Variants in CCDC178 observed in about 807,000 individuals in gnomAD.
CCDC178 encodes coiled-coil domain-containing protein 178.
CCDC178 carries 126 observed loss-of-function variants against 117.4 expected under a neutral mutation model. The ratio of observed to expected loss-of-function variants is 1.07; its 90% confidence interval spans 0.93 to 1.24. The LOEUF (loss-of-function observed/expected upper bound fraction) is 1.24. Ranked by LOEUF, CCDC178 falls within the 50% of genes most tolerant of loss-of-function variation. The pLI is 0.00. For synonymous variants in CCDC178, 283 were observed against 313.4 expected, an observed-to-expected ratio of 0.90 and a Z score of 1.02; for missense variants, 1,030 against 986.9, an observed-to-expected ratio of 1.04 and a Z score of -0.59.
intron 20 of CCDC178, among the ~76,000 whole-genome samples, chr18:33,119,967 T>C (rs190704107): frequency 3.3e-4 from 50 of 151,798 alleles, no homozygotes; most frequent in Non-Finnish European, 4.6e-4. Context: ...TTCTCACTTA[T>C]AGGTGGGAAC....
At position 32,974,644 on chromosome 18, in the gene CCDC178, T is replaced by C; in HGVS notation, c.2426A>G (p.Gln809Arg). The change falls in exon 22 of 23, where the codon CAG becomes CGG. Residue 809 changes from glutamine (Q) to arginine (R), a missense_variant. Gln to Arg is a conservative substitution (Grantham distance 43, BLOSUM62 1). Transcript: ENST00000383096. ...QLQRRMHTLW[Q>R]EHFKLVVLFS... ...GAGGACCACCAGTTTGAAGTGCTCC[T>C]GCCACAGTGTGTGCATCCTTCTCTG... 2 of 1,613,466 alleles carry C rather than the reference T, an allele frequency of 1.2e-6. No homozygotes were observed. Among genetic ancestry groups the C allele is most frequent in the Non-Finnish European group, 1.7e-6 (2 of 1,179,786 alleles).
chr18:33,213,976 A>G (rs1198551885), intron 19 of CCDC178, among the ~76,000 whole-genome samples: 1 of 152,058 alleles, frequency 6.6e-6, no homozygotes, highest in Non-Finnish European at 1.5e-5. Context: ...ATAAATAATA[A>G]GTAGCTTGTT....
chr18:33,152,217 A>T (rs72945333), intron 20 of CCDC178, among the ~76,000 whole-genome samples: 1,750 of 152,262 alleles, frequency 0.011, 16 homozygotes, highest in Non-Finnish European at 0.018. Flanking sequence ...ACCAGAAAAT[A>T]AAGGCCTACA....
rs151169753 is a variant in CCDC178, at chr18:33,425,823, G to C, written c.-22-13713C>G. 3.0e-4 allele frequency among the ~76,000 whole-genome samples: 45 copies of C among 152,206 alleles called. 3 individuals are homozygous for C. The East Asian group carries it at 8.5e-3, about 29-fold the overall frequency. Reference sequence around the variant, plus strand: ...CAAGTCTAAGTTGACATTTCTAGAGGCTCTCTTCCAAAAATAGCAGTCAGA... The same window carrying C: ...CAAGTCTAAGTTGACATTTCTAGAGCCTCTCTTCCAAAAATAGCAGTCAGA... On this transcript the variant is annotated intron_variant, in intron 2 of 22. Coordinates refer to ENST00000383096, the MANE Select transcript of CCDC178 (RefSeq NM_001105528.4).
At chr18:33,405,446 C>T (rs577107888) in intron 3 of CCDC178, among the ~76,000 whole-genome samples, 1 of 151,150 alleles carries the variant, frequency 6.6e-6, no homozygotes, top group African/African-American at 2.4e-5. Flanking sequence ...AATAAAAAAT[C>T]CTTTGGAATC....
At chr18:33,364,450 G>A (rs2063172362) in intron 6 of CCDC178, among the ~76,000 whole-genome samples, 1 of 151,898 alleles carries the variant, frequency 6.6e-6, no homozygotes, top group African/African-American at 2.4e-5. Context: ...AAAGACAAGG[G>A]GAGATATTTA....
chr18:33,059,181 G>A (rs930624392), intron 21 of CCDC178, among the ~76,000 whole-genome samples: 4 of 151,988 alleles, frequency 2.6e-5, no homozygotes, highest in Non-Finnish European at 2.9e-5. Context: ...CAGAAAAATC[G>A]CCCTTGAAAG....
chr18:33,259,492 G>T (rs114756542), intron 14 of CCDC178, among the ~76,000 whole-genome samples: 1 of 152,128 alleles, frequency 6.6e-6, no homozygotes, highest in African/African-American at 2.4e-5. Flanking sequence ...CAATCATAGC[G>T]GAAGGCAAAG....
At chr18:33,321,490 C>G (rs563182859) in intron 11 of CCDC178, among the ~76,000 whole-genome samples, 12 of 152,184 alleles carry the variant, frequency 7.9e-5, no homozygotes, top group East Asian at 7.7e-4. Context: ...ATGTACTTAT[C>G]TGTTATACAA....
intron 9 of CCDC178, among the ~76,000 whole-genome samples, chr18:33,336,393 C>A (rs2062741007): frequency 6.6e-6 from 1 of 152,080 alleles, no homozygotes; most frequent in South Asian, 2.1e-4. Context: ...CTAAATCTAA[C>A]ACTGATGTCT....
chr18:33,213,749 T>C (rs16964434), intron 19 of CCDC178, among the ~76,000 whole-genome samples: 9,455 of 152,108 alleles, frequency 0.062, 995 homozygotes, highest in African/African-American at 0.21. Flanking sequence ...GTCTGGATTT[T>C]AATTTTCCAC....
chr18:33,359,368 A>C (rs1030074329), intron 6 of CCDC178, among the ~76,000 whole-genome samples: 1 of 151,810 alleles, frequency 6.6e-6, no homozygotes, highest in Non-Finnish European at 1.5e-5. Context: ...AGAAGTAAGT[A>C]ACAAAGAAAT....
intron 20 of CCDC178, among the ~76,000 whole-genome samples, chr18:33,126,972 T>C (rs2058012369): frequency 6.8e-6 from 1 of 147,900 alleles, no homozygotes; most frequent in Admixed American, 6.7e-5. Context: ...CTGTATTTTT[T>C]ATCTGCATTT....
rs745929844 is a variant in CCDC178 at position 33,149,469 on chromosome 18, G to A, written c.2239-56559C>T. ...CTCTGAAGATCCTTGAAGCCTTTCC[G>A]TATCCACACAGTAGGAAAGCTAGTT... On this transcript the variant is annotated intron_variant, in intron 20 of 22. Transcript: ENST00000383096. Among the ~76,000 whole-genome samples, 8 of 152,012 alleles carry A rather than the reference G, an allele frequency of 5.3e-5. No individual in the cohort carries two copies. The South Asian group carries it at 6.2e-4, about 12-fold the overall frequency.
intron 6 of CCDC178, among the ~76,000 whole-genome samples, chr18:33,365,288 G>T (rs192836789): frequency 6.6e-6 from 1 of 152,044 alleles, no homozygotes; most frequent in South Asian, 2.1e-4. Flanking sequence ...TATAAAAAGA[G>T]CCAAGTTTTC....
At chr18:33,036,139 A>T (rs1446917850) in intron 21 of CCDC178, among the ~76,000 whole-genome samples, 2 of 151,966 alleles carry the variant, frequency 1.3e-5, no homozygotes, top group Non-Finnish European at 2.9e-5. Flanking sequence ...TCTTTAAGCT[A>T]CTTAAAAGAA....
At chr18:33,082,548 C>T (rs2057314084) in intron 21 of CCDC178, among the ~76,000 whole-genome samples, 1 of 152,098 alleles carries the variant, frequency 6.6e-6, no homozygotes, top group Non-Finnish European at 1.5e-5. Flanking sequence ...CAAAATTCCA[C>T]TTAGTTTAGT....
chr18:33,360,239 A>C (rs1337218957), intron 6 of CCDC178, among the ~76,000 whole-genome samples: 2 of 150,730 alleles, frequency 1.3e-5, no homozygotes, highest in African/African-American at 4.8e-5. Flanking sequence ...TACTCAAAAG[A>C]ACTGAAAACA....
At chr18:33,379,121 AT>A in intron 5 of CCDC178, among the ~76,000 whole-genome samples, 1 of 6,368 alleles carries the variant, frequency 1.6e-4, no homozygotes, top group Non-Finnish European at 3.5e-3. Flanking sequence ...TTCCATATAT[AT>A]ATAATATATA....
Sources: allele counts gnomAD v4.1 joint callset (sites outside exome capture counted in the v4.1 genomes callset), GRCh38; gene constraint gnomAD v4.1.1; transcripts MANE v1.5; gene names NCBI Gene and HGNC (gene_info 2026-07-23, HGNC 2026-07-21).